Variants in DLG1 observed in about 807,000 individuals in gnomAD.
DLG1 encodes the protein discs large MAGUK scaffold protein 1.
A neutral mutation model predicts 123.4 loss-of-function variants in DLG1; 42 were observed. The ratio of observed to expected loss-of-function variants is 0.34; its 90% CI spans 0.27 to 0.44. The LOEUF (loss-of-function observed/expected upper bound fraction) is 0.44, where lower values mean the gene tolerates loss of function less well. DLG1 is among the 20% of genes least tolerant of loss of function. DLG1 has a pLI of 1.00. For synonymous variants in DLG1, 317 were observed against 356.2 expected, an observed-to-expected ratio of 0.89 and a Z score of 1.24; for missense variants, 942 against 1,082.6, an observed-to-expected ratio of 0.87 and a Z score of 1.82.
At chr3:197,206,886 TCA>T (rs1728806799) in intron 4 of DLG1, among the ~76,000 whole-genome samples, 1 of 152,146 alleles carries the variant, frequency 6.6e-6, no homozygotes, top group African/African-American at 2.4e-5. Flanking sequence ...ATAAAAGATT[TCA>T]GTTAGGTATC....
At chr3:197,138,792 TAATA>T (rs1786398830) in intron 8 of DLG1, among the ~76,000 whole-genome samples, 1 of 152,124 alleles carries the variant, frequency 6.6e-6, no homozygotes, top group African/African-American at 2.4e-5. Context: ...CCTGTAAGCT[TAATA>T]TATATTTTAA....
intron 23 of DLG1, among the ~76,000 whole-genome samples, chr3:197,054,168 T>C (rs1378365920): frequency 6.6e-6 from 1 of 152,218 alleles, no homozygotes; most frequent in Admixed American, 6.5e-5. Context: ...AGTTGCTGCT[T>C]TCAAGATTCT....
In DLG1 at chr3:197,144,714, G is replaced by T. The variant is rs527717969; in HGVS notation, c.538-1946C>A. Among the ~76,000 whole-genome samples, 5 of 152,136 alleles carry T rather than the reference G, an allele frequency of 3.3e-5. No individual in the cohort carries two copies. In the East Asian group the frequency reaches 9.6e-4, roughly 29 times the overall value. ...AAGCCCATCTCTACTACCCTTTTGG[G>T]TTCTTAACTCTTGTGATTCTCCTAG... On this transcript the variant is annotated intron_variant, in intron 6 of 24. Coordinates refer to ENST00000667157, the MANE Select transcript of DLG1 (RefSeq NM_001366207.1).
At chr3:197,126,985 C>T (rs1470241080) in intron 11 of DLG1, among the ~76,000 whole-genome samples, 1 of 152,086 alleles carries the variant, frequency 6.6e-6, no homozygotes, top group Non-Finnish European at 1.5e-5. Context: ...AGGTTATACC[C>T]AGTACGTTTA....
chr3:197,284,464 T>A (rs2151171804), intron 3 of DLG1, among the ~76,000 whole-genome samples: 1 of 152,312 alleles, frequency 6.6e-6, no homozygotes, highest in South Asian at 2.1e-4. Context: ...TCAATAAACC[T>A]ATGCAAAAAT....
chr3:197,200,888 G>C (rs967563064), intron 4 of DLG1, among the ~76,000 whole-genome samples: 5 of 151,990 alleles, frequency 3.3e-5, no homozygotes, highest in African/African-American at 1.2e-4. Flanking sequence ...ATAGTTAATG[G>C]GGAAAAGTTA....
At position 197,185,127 on chromosome 3, in the gene DLG1, A is replaced by G. The variant is rs558946934; in HGVS notation, c.483+9298T>C. Among the ~76,000 whole-genome samples the G allele has an allele frequency of 2.0e-5, 3 of 152,336 alleles. No homozygotes were observed. In the South Asian group the frequency reaches 6.2e-4, roughly 32 times the overall value. On this transcript the variant is annotated intron_variant, in intron 5 of 24. Transcript: ENST00000667157. ...AATATGTGAACAAAAACGCTACTTG[A>G]TAATTTACTATTGGTTGAATAATCT...
intron 4 of DLG1, among the ~76,000 whole-genome samples, chr3:197,231,494 A>T (rs76607131): frequency 0.042 from 6,413 of 152,202 alleles, 183 homozygotes; most frequent in Non-Finnish European, 0.056. Context: ...TAAGCTCAGG[A>T]ATTCAAGACC....
Position 197,296,699 on chromosome 3 carries a change from C to A in DLG1, c.20-222G>T, listed in dbSNP as rs2151299603. On this transcript the variant is annotated intron_variant, in intron 2 of 24. Transcript: ENST00000667157. ...TTTAAACATATATCACATTAGAAAA[C>A]GGAGGAGAGTGAGCAGTTTGGAATA... 1 of 438,490 alleles carries A rather than the reference C, an allele frequency of 2.3e-6. No homozygotes were observed. The highest frequency in any genetic ancestry group is 3.5e-5 in the East Asian group (1 of 28,580). 27.2% of individuals were successfully genotyped at this position (438,490 alleles called of 1,614,324 possible). A position where few individuals can be genotyped will look rare whatever the true frequency, so the allele number is the denominator to read the frequency against.
intron 3 of DLG1, among the ~76,000 whole-genome samples, chr3:197,290,526 T>G (rs1278906651): frequency 6.6e-6 from 1 of 152,162 alleles, no homozygotes; most frequent in East Asian, 1.9e-4. Context: ...TACCTCTGGA[T>G]GTACAGAATC....
At chr3:197,226,689 T>C (rs971463563) in intron 4 of DLG1, among the ~76,000 whole-genome samples, 2 of 152,228 alleles carry the variant, frequency 1.3e-5, no homozygotes, top group Admixed American at 6.5e-5. Context: ...CAGTATTTTC[T>C]AATACATCAA....
intron 4 of DLG1, among the ~76,000 whole-genome samples, chr3:197,210,678 A>C (rs1185698328): frequency 7.0e-6 from 1 of 143,424 alleles, no homozygotes; most frequent in African/African-American, 2.5e-5. Flanking sequence ...ATATATATTA[A>C]AGAATTCAAT....
chr3:197,249,959 C>A (rs761567052), intron 4 of DLG1, among the ~76,000 whole-genome samples: 1 of 152,166 alleles, frequency 6.6e-6, no homozygotes, highest in Admixed American at 6.5e-5. Flanking sequence ...TAACATCATA[C>A]TGAATGGGGA....
At chr3:197,121,823 C>CAAAAAAAAAAAAAAAAAAAAAAAAAAA (rs71161995) in intron 11 of DLG1, among the ~76,000 whole-genome samples, 1 of 102,000 alleles carries the variant, frequency 9.8e-6, no homozygotes. Context: ...ACAATCACCA[C>CAAAAAAAAAAAAAAAAAAAAAAAAAAA]AAAAAAAAAA....
intron 18 of DLG1, chr3:197,075,756 A>G: frequency 7.7e-7 from 1 of 1,294,602 alleles, no homozygotes; most frequent in Non-Finnish European, 1.1e-6. Context: ...AGGCACTACC[A>G]TGAATCTCAA....
At chr3:197,214,484 A>G (rs555139407) in intron 4 of DLG1, among the ~76,000 whole-genome samples, 4 of 152,034 alleles carry the variant, frequency 2.6e-5, no homozygotes, top group Non-Finnish European at 5.9e-5. Context: ...GAGGCAGGAG[A>G]ATGGCGTGAA....
intron 4 of DLG1, among the ~76,000 whole-genome samples, chr3:197,258,893 C>A (rs1758072260): frequency 6.6e-6 from 1 of 152,072 alleles, no homozygotes; most frequent in Non-Finnish European, 1.5e-5. Context: ...CAACCTACAT[C>A]CTTCTCTATT....
intron 4 of DLG1, among the ~76,000 whole-genome samples, chr3:197,203,779 T>TCAGA (rs1201648914): frequency 6.6e-6 from 1 of 152,200 alleles, no homozygotes; most frequent in Non-Finnish European, 1.5e-5. Context: ...ATGGCCTCTG[T>TCAGA]CAGGGAAAAA....
intron 11 of DLG1, among the ~76,000 whole-genome samples, chr3:197,127,813 T>C (rs1295716646): frequency 6.6e-6 from 1 of 152,026 alleles, no homozygotes; most frequent in Non-Finnish European, 1.5e-5. Context: ...TTTTTTGGTT[T>C]CCCAGTGCAT....
Sources: allele counts gnomAD v4.1 joint callset (sites outside exome capture counted in the v4.1 genomes callset), GRCh38; gene constraint gnomAD v4.1.1; transcripts MANE v1.5; gene names NCBI Gene and HGNC (gene_info 2026-07-23, HGNC 2026-07-21).